Variants in ARHGEF28 observed in about 807,000 individuals in gnomAD.
The protein encoded by ARHGEF28 is Rho guanine nucleotide exchange factor 28, also known as 190 kDa guanine nucleotide exchange factor.
Under a neutral mutation model 206.6 loss-of-function variants are expected in ARHGEF28, and 152 were observed. The ratio of observed to expected loss-of-function variants is 0.74; its 90% CI spans 0.64 to 0.84. ARHGEF28 has a LOEUF of 0.84. Ranked by LOEUF, ARHGEF28 falls within the 40% of genes least tolerant of loss-of-function variation. The pLI, the probability that ARHGEF28 is intolerant of heterozygous loss-of-function variation, is 0.00. For missense variants in ARHGEF28, 2,028 were observed against 2,073.2 expected, an observed-to-expected ratio of 0.98 and a Z score of 0.42; for synonymous variants, 763 against 776.4, an observed-to-expected ratio of 0.98 and a Z score of 0.29.
At chr5:73,778,254 A>G (rs1232642438) in intron 6 of ARHGEF28, 1 of 152,184 alleles carries the variant, frequency 6.6e-6, no homozygotes, top group Non-Finnish European at 1.5e-5. Flanking sequence ...GCGGCATGGC[A>G]CTTGGTGACT....
At chr5:73,758,273 G>A (rs1352553764) in intron 4 of ARHGEF28, among the ~76,000 whole-genome samples, 1 of 152,080 alleles carries the variant, frequency 6.6e-6, no homozygotes, top group Non-Finnish European at 1.5e-5. Context: ...GAAAAATAAA[G>A]CCCAGTTCCT....
intron 4 of ARHGEF28, among the ~76,000 whole-genome samples, chr5:73,763,208 G>A (rs997642547): frequency 3.9e-5 from 6 of 152,006 alleles, no homozygotes; most frequent in South Asian, 2.1e-4. Context: ...ACTGATTTCC[G>A]GTTTGGTTTA....
chr5:73,879,705 G>C (rs945298010), intron 22 of ARHGEF28, among the ~76,000 whole-genome samples: 2 of 152,178 alleles, frequency 1.3e-5, no homozygotes, highest in Non-Finnish European at 2.9e-5. Flanking sequence ...GACCCTGTTT[G>C]CCTGGGTATC....
intron 1 of ARHGEF28, among the ~76,000 whole-genome samples, chr5:73,640,777 T>C (rs1213120854): frequency 2.0e-5 from 3 of 152,196 alleles, no homozygotes; most frequent in Admixed American, 6.5e-5. Flanking sequence ...GAAATTAACT[T>C]TGGAAACACT....
chr5:73,756,976 T>G (rs924248562), intron 4 of ARHGEF28, among the ~76,000 whole-genome samples: 8 of 152,350 alleles, frequency 5.3e-5, no homozygotes, highest in African/African-American at 1.9e-4. Flanking sequence ...ATTTTTACAA[T>G]GCACATGTAT....
At chr5:73,906,788 T>C (rs898040643) in intron 33 of ARHGEF28, among the ~76,000 whole-genome samples, 2 of 152,224 alleles carry the variant, frequency 1.3e-5, no homozygotes, top group Admixed American at 6.5e-5. Flanking sequence ...TGAATAATTT[T>C]TTTTTTCATT....
At chr5:73,668,961 C>T (rs889382078) in intron 1 of ARHGEF28, among the ~76,000 whole-genome samples, 1 of 152,052 alleles carries the variant, frequency 6.6e-6, no homozygotes, top group African/African-American at 2.4e-5. Flanking sequence ...GATTTTTAAC[C>T]AGAAGAATGT....
intron 35 of ARHGEF28, among the ~76,000 whole-genome samples, chr5:73,912,194 C>T (rs1021566581): frequency 5.3e-5 from 8 of 152,052 alleles, no homozygotes; most frequent in Non-Finnish European, 5.9e-5. Flanking sequence ...CACATGAATC[C>T]GAATGATTTA....
intron 7 of ARHGEF28, among the ~76,000 whole-genome samples, chr5:73,794,051 G>A (rs906482004): frequency 2.0e-5 from 3 of 152,130 alleles, no homozygotes; most frequent in Non-Finnish European, 4.4e-5. Context: ...AGGTGGGTAC[G>A]AGTCACGTCC....
intron 2 of ARHGEF28, among the ~76,000 whole-genome samples, chr5:73,688,698 C>T (rs1747621640): frequency 1.3e-5 from 2 of 152,132 alleles, no homozygotes; most frequent in South Asian, 2.1e-4. Context: ...CACTCTGTCT[C>T]CAGGCTGGAG....
At chr5:73,714,656 A>G (rs1227811030) in intron 2 of ARHGEF28, among the ~76,000 whole-genome samples, 2 of 152,190 alleles carry the variant, frequency 1.3e-5, no homozygotes, top group Non-Finnish European at 2.9e-5. Context: ...GTATATATGC[A>G]TATTTATTTA....
At chr5:73,871,740 T>G (rs1760117123) in intron 21 of ARHGEF28, among the ~76,000 whole-genome samples, 1 of 152,248 alleles carries the variant, frequency 6.6e-6, no homozygotes, top group Admixed American at 6.5e-5. Context: ...AAAAATCCTG[T>G]ACATGTTACT....
At chr5:73,756,482 A>T (rs1752315591) in intron 4 of ARHGEF28, among the ~76,000 whole-genome samples, 1 of 152,234 alleles carries the variant, frequency 6.6e-6, no homozygotes, top group African/African-American at 2.4e-5. Context: ...GCTTCTCTAC[A>T]ACATCAATGT....
At chr5:73,918,556 T>A (rs541795026) in intron 35 of ARHGEF28, among the ~76,000 whole-genome samples, 1 of 152,236 alleles carries the variant, frequency 6.6e-6, no homozygotes, top group Admixed American at 6.5e-5. Flanking sequence ...GGTTACTGTC[T>A]CTGTAAAGAG....
intron 1 of ARHGEF28, among the ~76,000 whole-genome samples, chr5:73,636,740 T>C (rs576580531): frequency 3.3e-5 from 5 of 152,328 alleles, no homozygotes; most frequent in African/African-American, 1.2e-4. Context: ...GGGTGGGTCA[T>C]ATCACCTTTC....
intron 7 of ARHGEF28, among the ~76,000 whole-genome samples, chr5:73,791,076 TC>T (rs1337774701): frequency 1.3e-5 from 2 of 152,206 alleles, no homozygotes; most frequent in African/African-American, 4.8e-5. Flanking sequence ...TCTGTCCTGA[TC>T]CACAGCTTGT....
intron 4 of ARHGEF28, among the ~76,000 whole-genome samples, chr5:73,757,109 C>A (rs912401244): frequency 6.6e-6 from 1 of 152,106 alleles, no homozygotes; most frequent in Non-Finnish European, 1.5e-5. Context: ...TTAATCTAAG[C>A]AGTTTAAAAC....
chr5:73,882,446 C>T, intron 22 of ARHGEF28, 26 bp from the exon 23 acceptor site: 1 of 1,363,936 alleles, frequency 7.3e-7, no homozygotes, highest in Non-Finnish European at 9.8e-7. Context: ...AATTTACAAA[C>T]CATTATTTAA....
chr5:73,896,553 A>C (rs974976547), intron 29 of ARHGEF28, among the ~76,000 whole-genome samples: 2 of 152,218 alleles, frequency 1.3e-5, no homozygotes, highest in African/African-American at 4.8e-5. Context: ...ATCTGCCTGG[A>C]GACCTGTTAG....
Sources: allele counts gnomAD v4.1 joint callset (sites outside exome capture counted in the v4.1 genomes callset), GRCh38; gene constraint gnomAD v4.1.1; transcripts MANE v1.5; gene names NCBI Gene and HGNC (gene_info 2026-07-23, HGNC 2026-07-21).